OPHN1: variants seen among roughly 807,000 people sequenced by gnomAD.
OPHN1 encodes oligophrenin-1.
OPHN1 carries 11 observed loss-of-function variants against 60.7 expected under a neutral mutation model. The observed-to-expected ratio is 0.18, with a 90% CI of 0.11 to 0.30. The LOEUF is 0.30. OPHN1 is among the 10% of genes least tolerant of loss of function. The probability of loss-of-function intolerance (pLI) is 1.00; values close to 1 mark genes in which losing one functional copy is unlikely to be tolerated. For synonymous variants in OPHN1, 226 were observed against 222.6 expected (o/e 1.02, Z -0.14); for missense variants, 449 against 611.0 (o/e 0.73, Z 2.80).
intron 2 of OPHN1, among the ~76,000 whole-genome samples, chrX:68,426,209 G>A (rs998847548): frequency 1.8e-5 from 2 of 111,116 alleles, no homozygotes; most frequent in African/African-American, 6.5e-5. Flanking sequence ...GGGAGGCCGA[G>A]ATGGGTGGAT....
chrX:68,316,416 T>G (rs749379472), intron 2 of OPHN1, among the ~76,000 whole-genome samples: 1 of 112,064 alleles, frequency 8.9e-6, no homozygotes, highest in Admixed American at 9.5e-5. Context: ...TTATATTAGT[T>G]TTCTATTCGC....
At position 68,212,079 on chromosome X, in the gene OPHN1, C is replaced by T. The variant is rs3788859; in HGVS notation, c.702+29G>A. On this transcript the variant is annotated intron_variant, in intron 8 of 24. Coordinates refer to ENST00000355520, the MANE Select transcript of OPHN1 (RefSeq NM_002547.3). ...TGAAATTCAATCGGAATGGAAAGAC[C>T]GGTGAGAAAAATCCACATGCAAACT... 108,737 of 1,035,682 alleles carry T rather than the reference C, an allele frequency of 0.1. 4,372 individuals carry two copies. Among genetic ancestry groups the T allele is most frequent in the South Asian group, 0.2 (9,948 of 50,932 alleles). 85.4% of individuals were successfully genotyped at this position (1,035,682 alleles called of 1,213,427 possible).
At chrX:68,357,638 A>C (rs1272802149) in intron 2 of OPHN1, among the ~76,000 whole-genome samples, 1 of 110,992 alleles carries the variant, frequency 9.0e-6, no homozygotes, top group African/African-American at 3.3e-5. Context: ...ACATTTTCTT[A>C]ATCCAGTCTA....
intron 2 of OPHN1, among the ~76,000 whole-genome samples, chrX:68,308,739 T>C (rs1170256422): frequency 8.9e-6 from 1 of 111,951 alleles, no homozygotes; most frequent in African/African-American, 3.2e-5. Context: ...AGTTAGCCTA[T>C]AAATTTGAAG....
chrX:68,052,616 C>T lies in OPHN1; in HGVS notation c.2325-26G>A, dbSNP rs368848072. 6.2e-5 allele frequency: 74 copies of T among 1,193,931 alleles called. No individual in the cohort carries two copies. The African/African-American group carries it at 1.2e-3, about 19-fold the overall frequency. ...CTGCAAACAGAAGCCAACCAAGTCC[C>T]ATAAGTTGCTTTGGTATACACGTGA... On this transcript the variant is annotated intron_variant, in intron 22 of 24. Transcript: ENST00000355520.
At chrX:68,223,585 T>C in intron 6 of OPHN1, among the ~76,000 whole-genome samples, 1 of 111,192 alleles carries the variant, frequency 9.0e-6, no homozygotes. Flanking sequence ...TTACCCATTG[T>C]TCGGTATAAT....
intron 2 of OPHN1, among the ~76,000 whole-genome samples, chrX:68,427,089 T>TAA (rs11446400): frequency 0.11 from 8,196 of 72,635 alleles, 597 homozygotes; most frequent in African/African-American, 0.2. Context: ...CCATCTCTAC[T>TAA]AAAAAAAAAA....
In OPHN1 at chrX:68,259,999, C is replaced by T. The variant is rs192216449; in HGVS notation, c.384+14739G>A. The stretch of plus-strand genomic sequence containing the variant: ...ATTAAGGTTTTCTAATGTTCTTTTC[C>T]ATTTTTTGAAATTATAACATATACT... On this transcript the variant is annotated intron_variant, in intron 5 of 24. Coordinates refer to ENST00000355520, the MANE Select transcript of OPHN1 (RefSeq NM_002547.3). Among the ~76,000 whole-genome samples, 613 of 111,682 alleles carry T rather than the reference C, an allele frequency of 5.5e-3. 7 individuals carry two copies. The highest frequency in any genetic ancestry group is 0.019 in the African/African-American group (582 of 30,746).
At chrX:68,094,357 A>G (rs1381707225) in intron 19 of OPHN1, among the ~76,000 whole-genome samples, 1 of 111,707 alleles carries the variant, frequency 9.0e-6, no homozygotes. Flanking sequence ...TATTATTAAT[A>G]CCTACCTCCA....
At chrX:68,219,746 C>T (rs1225679786) in intron 6 of OPHN1, among the ~76,000 whole-genome samples, 9 of 106,319 alleles carry the variant, frequency 8.5e-5, no homozygotes, top group African/African-American at 2.7e-4. Flanking sequence ...AACAAAGACA[C>T]AACATACCAG....
Position 68,199,933 on chromosome X carries a change from C to T in OPHN1, c.1025+1686G>A, listed in dbSNP as rs149760989. ...AAAATTAGCTGGACATGGTGGCACA[C>T]GCCTGTAGTCCCAGCTACTCAGGAG... On this transcript the variant is annotated intron_variant, in intron 11 of 24. Coordinates refer to ENST00000355520, the MANE Select transcript of OPHN1 (RefSeq NM_002547.3). Among the ~76,000 whole-genome samples the T allele has an allele frequency of 6.6e-3, 740 of 111,405 alleles. 7 individuals carry two copies. The highest frequency in any genetic ancestry group is 0.023 in the African/African-American group (705 of 30,599).
chrX:68,291,395 G>T (rs1235630239), intron 3 of OPHN1, among the ~76,000 whole-genome samples: 4 of 111,973 alleles, frequency 3.6e-5, no homozygotes, highest in African/African-American at 1.3e-4. Context: ...CTTGACCCTG[G>T]CTGGCACTTA....
At chrX:68,149,874 A>G (rs1252002643) in intron 15 of OPHN1, among the ~76,000 whole-genome samples, 1 of 111,843 alleles carries the variant, frequency 8.9e-6, no homozygotes, top group African/African-American at 3.2e-5. Context: ...CACTATTCAC[A>G]AGAACTAAAA....
chrX:68,172,264 A>G (rs2147423033), intron 15 of OPHN1, among the ~76,000 whole-genome samples: 1 of 112,512 alleles, frequency 8.9e-6, no homozygotes, highest in African/African-American at 3.2e-5. Flanking sequence ...GTAGAATATT[A>G]TTTGGCAATA....
intron 15 of OPHN1, among the ~76,000 whole-genome samples, chrX:68,146,511 G>A (rs2077264318): frequency 8.9e-6 from 1 of 112,135 alleles, no homozygotes; most frequent in Non-Finnish European, 1.9e-5. Flanking sequence ...ATATAAAGCT[G>A]GCCAAGAGTT....
At chrX:68,218,721 G>A in intron 6 of OPHN1, among the ~76,000 whole-genome samples, 1 of 96,064 alleles carries the variant, frequency 1.0e-5, no homozygotes, top group Admixed American at 1.2e-4. Flanking sequence ...TTACAGACAA[G>A]CAAATGCTGA....
intron 5 of OPHN1, among the ~76,000 whole-genome samples, chrX:68,236,641 A>C (rs1176787701): frequency 8.9e-6 from 1 of 111,864 alleles, no homozygotes; most frequent in African/African-American, 3.3e-5. Flanking sequence ...ATTAACTGGA[A>C]TCTGCATTAT....
chrX:68,168,144 C>T (rs939571154), intron 15 of OPHN1, among the ~76,000 whole-genome samples: 8 of 110,600 alleles, frequency 7.2e-5, no homozygotes, highest in Admixed American at 3.9e-4. Context: ...AGCTCTGCAC[C>T]AAACGGACCT....
intron 3 of OPHN1, among the ~76,000 whole-genome samples, chrX:68,291,457 A>G (rs1186664984): frequency 9.0e-6 from 1 of 111,682 alleles, no homozygotes; most frequent in East Asian, 2.8e-4. Context: ...AAAAAGGTAC[A>G]AAAAGCCTAT....
Sources: allele counts gnomAD v4.1 joint callset (sites outside exome capture counted in the v4.1 genomes callset), GRCh38; gene constraint gnomAD v4.1.1; transcripts MANE v1.5; gene names NCBI Gene and HGNC (gene_info 2026-07-23, HGNC 2026-07-21).